SPSB4: variants seen among roughly 807,000 people sequenced by gnomAD.
The protein encoded by SPSB4 is splA/ryanodine receptor domain and SOCS box containing 4.
A neutral mutation model predicts 20.9 loss-of-function variants in SPSB4; 21 were observed. The ratio of observed to expected loss-of-function variants is 1.01; its 90% CI spans 0.71 to 1.45. SPSB4 has a LOEUF of 1.45. SPSB4 is among the 40% of genes most tolerant of loss of function. The pLI is 0.00. For missense variants in SPSB4, 399 were observed against 399.2 expected (o/e 1.00, Z 0.00); for synonymous variants, 207 against 183.8 (o/e 1.13, Z -1.02).
chr3:141,114,625 C>T (rs1274214214), intron 2 of SPSB4, among the ~76,000 whole-genome samples: 12 of 152,188 alleles, frequency 7.9e-5, no homozygotes, highest in South Asian at 2.1e-4. Context: ...AGGGCAGCTG[C>T]GCTGGTCTTA....
intron 2 of SPSB4, among the ~76,000 whole-genome samples, chr3:141,084,892 C>T (rs1177112925): frequency 1.3e-5 from 2 of 152,228 alleles, no homozygotes; most frequent in African/African-American, 2.4e-5. Context: ...AGATCAGACA[C>T]TGCCCTTGTG....
intron 2 of SPSB4, chr3:141,077,616 G>C (rs1030256936): frequency 1.3e-5 from 2 of 152,316 alleles, no homozygotes; most frequent in African/African-American, 4.8e-5. Flanking sequence ...CGTGTTCTGG[G>C]GTAGAGGACA....
chr3:141,102,390 G>A (rs1938625593), intron 2 of SPSB4, among the ~76,000 whole-genome samples: 1 of 152,194 alleles, frequency 6.6e-6, no homozygotes, highest in Admixed American at 6.5e-5. Flanking sequence ...AGTGTGCAGG[G>A]TGGCATGTCG....
At chr3:141,107,985 TTGTC>T (rs944268345) in intron 2 of SPSB4, among the ~76,000 whole-genome samples, 1 of 152,066 alleles carries the variant, frequency 6.6e-6, no homozygotes, top group Admixed American at 6.6e-5. Flanking sequence ...AGATTTTTAT[TTGTC>T]TGCGGTGGCC....
At chr3:141,056,391 G>A (rs973745795) in intron 1 of SPSB4, among the ~76,000 whole-genome samples, 21 of 152,114 alleles carry the variant, frequency 1.4e-4, no homozygotes, top group Non-Finnish European at 2.9e-4. Context: ...CTCCCTCCCC[G>A]ATCCTGCTCC....
chr3:141,144,671 T>G (rs1479589371), intron 2 of SPSB4, among the ~76,000 whole-genome samples: 1 of 152,250 alleles, frequency 6.6e-6, no homozygotes, highest in African/African-American at 2.4e-5. Flanking sequence ...CAACGTACTC[T>G]GAACTCCTTT....
intron 2 of SPSB4, among the ~76,000 whole-genome samples, chr3:141,128,719 A>G (rs1183434552): frequency 1.3e-5 from 2 of 151,994 alleles, no homozygotes; most frequent in Non-Finnish European, 2.9e-5. Flanking sequence ...TTTGAGTGGT[A>G]GGGAAGCTGA....
At chr3:141,139,436 G>C (rs959534882) in intron 2 of SPSB4, among the ~76,000 whole-genome samples, 5 of 152,162 alleles carry the variant, frequency 3.3e-5, no homozygotes, top group African/African-American at 7.2e-5. Context: ...AGCCTCGATG[G>C]TCTTTACAAC....
chr3:141,054,732 G>T (rs749955758), intron 1 of SPSB4, among the ~76,000 whole-genome samples: 60 of 152,348 alleles, frequency 3.9e-4, no homozygotes, highest in Admixed American at 1.6e-3. Context: ...TTGGGAGGCC[G>T]AGGCGGGGGG....
At chr3:141,121,797 C>A (rs1055523419) in intron 2 of SPSB4, among the ~76,000 whole-genome samples, 1 of 152,170 alleles carries the variant, frequency 6.6e-6, no homozygotes, top group Non-Finnish European at 1.5e-5. Context: ...ACTGTTTATT[C>A]TAGTTAGCCA....
chr3:141,095,955 T>G (rs1054165134), intron 2 of SPSB4, among the ~76,000 whole-genome samples: 1 of 152,066 alleles, frequency 6.6e-6, no homozygotes, highest in Non-Finnish European at 1.5e-5. Context: ...AAAAACTCCC[T>G]TCTTCTGCCT....
chr3:141,146,119 G>T (rs977847287), intron 2 of SPSB4, among the ~76,000 whole-genome samples: 1 of 150,666 alleles, frequency 6.6e-6, no homozygotes, highest in African/African-American at 2.4e-5. Context: ...GCTGCCTCTG[G>T]TGCTAGCTTA....
intron 2 of SPSB4, among the ~76,000 whole-genome samples, chr3:141,128,449 G>C (rs1022450810): frequency 4.6e-5 from 7 of 152,166 alleles, no homozygotes; most frequent in Non-Finnish European, 7.4e-5. Flanking sequence ...TGGTGTAGTG[G>C]TGTGAACCAC....
intron 2 of SPSB4, among the ~76,000 whole-genome samples, chr3:141,142,408 C>T (rs1939344399): frequency 6.6e-6 from 1 of 152,096 alleles, no homozygotes; most frequent in African/African-American, 2.4e-5. Flanking sequence ...TGAGAGGATA[C>T]TTGATATAAG....
At chr3:141,069,627 G>A (rs1185956970) in intron 2 of SPSB4, among the ~76,000 whole-genome samples, 1 of 152,180 alleles carries the variant, frequency 6.6e-6, no homozygotes, top group Non-Finnish European at 1.5e-5. Context: ...ACCTCACAGA[G>A]CCGGGTCAGA....
intron 2 of SPSB4, among the ~76,000 whole-genome samples, chr3:141,078,619 G>A (rs1938162815): frequency 6.6e-6 from 1 of 152,232 alleles, no homozygotes; most frequent in Non-Finnish European, 1.5e-5. Flanking sequence ...CCTCTCCAAA[G>A]GGACAATGTG....
At chr3:141,100,837 G>A (rs962761831) in intron 2 of SPSB4, among the ~76,000 whole-genome samples, 9 of 152,270 alleles carry the variant, frequency 5.9e-5, no homozygotes, top group African/African-American at 2.2e-4. Flanking sequence ...ATGGGCAGGG[G>A]CCTAGGGAGA....
At chr3:141,134,030 C>CTTTTTTTTTTT (rs1207127072) in intron 2 of SPSB4, among the ~76,000 whole-genome samples, 4 of 37,748 alleles carry the variant, frequency 1.1e-4, no homozygotes, top group Non-Finnish European at 1.6e-4. Context: ...TTTTTTTTTT[C>CTTTTTTTTTTT]TTTTCTTTTT....
chr3:141,146,793 C>T (rs544269323), intron 2 of SPSB4, among the ~76,000 whole-genome samples: 15 of 151,140 alleles, frequency 9.9e-5, no homozygotes, highest in South Asian at 8.4e-4. Context: ...AAAAAAGACA[C>T]GCTGAACACC....
Sources: gnomAD v4.1 joint callset for allele counts (sites outside exome capture counted in the v4.1 genomes callset) on GRCh38, gnomAD v4.1.1 for gene constraint, MANE v1.5 for transcripts, NCBI Gene and HGNC (gene_info 2026-07-23, HGNC 2026-07-21) for gene names.